NEXMIF: variants seen among roughly 807,000 people sequenced by gnomAD.
NEXMIF encodes the protein XLMR protein related to neurite extension.
Under a neutral mutation model 62.1 loss-of-function variants are expected in NEXMIF, and 8 were observed. The observed-to-expected ratio is 0.13, with a 90% CI of 0.08 to 0.23. The LOEUF (loss-of-function observed/expected upper bound fraction) is 0.23. Ranked by LOEUF, NEXMIF falls within the 10% of genes least tolerant of loss-of-function variation. The pLI, the probability that NEXMIF is intolerant of heterozygous loss-of-function variation, is 1.00. For synonymous variants in NEXMIF, 404 were observed against 416.6 expected (o/e 0.97, Z 0.37); for missense variants, 976 against 1,113.3 (o/e 0.88, Z 1.75).
At chrX:74,875,344 A>C (rs1299013017) in intron 1 of NEXMIF, among the ~76,000 whole-genome samples, 6 of 111,905 alleles carry the variant, frequency 5.4e-5, no homozygotes, top group Admixed American at 1.9e-4. Flanking sequence ...GGGATGAAGC[A>C]CACTTGATCA....
At chrX:74,819,372 AG>A (rs967819143) in intron 1 of NEXMIF, among the ~76,000 whole-genome samples, 27 of 112,244 alleles carry the variant, frequency 2.4e-4, no homozygotes, top group African/African-American at 7.4e-4. Flanking sequence ...GCACGGCAAA[AG>A]AAACTATCAT....
chrX:74,775,381 G>A (rs1011462549), intron 1 of NEXMIF, among the ~76,000 whole-genome samples: 1 of 111,790 alleles, frequency 8.9e-6, no homozygotes, highest in African/African-American at 3.3e-5. Context: ...GTGAAGGCCA[G>A]TATTATTATA....
At chrX:74,835,005 C>G (rs1373970496) in intron 1 of NEXMIF, among the ~76,000 whole-genome samples, 1 of 111,386 alleles carries the variant, frequency 9.0e-6, no homozygotes, top group Non-Finnish European at 1.9e-5. Flanking sequence ...ATTCTTTTTT[C>G]TTTCGTCTAC....
Position 74,737,671 on chromosome X carries a change from T to C in NEXMIF, c.*1734A>G, listed in dbSNP as rs1311275245. 8.9e-6 allele frequency: 1 copy of C among 111,829 alleles called. No individual in the cohort carries two copies. Among genetic ancestry groups the C allele is most frequent in the African/African-American group, 3.3e-5 (1 of 30,655 alleles). The allele number at this position is 111,829 out of a possible 1,213,427, so 9.2% of individuals were successfully genotyped here. On this transcript the variant is annotated 3_prime_UTR_variant, in exon 4 of 4. Coordinates refer to ENST00000055682, the MANE Select transcript of NEXMIF (RefSeq NM_001008537.3). Reference sequence around the variant, plus strand: ...TATATACATGACAGGCTTCCTTCCATTTCTCTCTGACTACTTTCAAATGTT... The same window carrying C: ...TATATACATGACAGGCTTCCTTCCACTTCTCTCTGACTACTTTCAAATGTT...
chrX:74,879,274 A>G (rs1569361289), intron 1 of NEXMIF, among the ~76,000 whole-genome samples: 1 of 112,100 alleles, frequency 8.9e-6, no homozygotes, highest in Non-Finnish European at 1.9e-5. Flanking sequence ...GCATGACTGT[A>G]TTGAATAATA....
At chrX:74,898,684 T>C in intron 1 of NEXMIF, among the ~76,000 whole-genome samples, 1 of 111,546 alleles carries the variant, frequency 9.0e-6, no homozygotes, top group South Asian at 3.7e-4. Context: ...ATTCTGTAAA[T>C]GTAAAACTGT....
chrX:74,860,045 A>G (rs2080551347), intron 1 of NEXMIF, among the ~76,000 whole-genome samples: 1 of 111,485 alleles, frequency 9.0e-6, no homozygotes, highest in South Asian at 3.7e-4. Flanking sequence ...CTTATTGATA[A>G]TAACATTGAC....
Position 74,743,682 on chromosome X carries a change from T to C in NEXMIF, c.875A>G (p.Asp292Gly), listed in dbSNP as rs2080115926. ...SVNLFSEEDVDNYMFDDDEST... is the reference protein window; with the variant it reads ...SVNLFSEEDVGNYMFDDDEST... The stretch of plus-strand genomic sequence containing the variant: ...TTCATCATCATCAAACATGTAGTTA[T>C]CCACATCTTCTTCAGAGAATAGGTT... The change falls in exon 3 of 4, where the codon GAT (aspartate) becomes GGT (glycine). Residue 292 changes from aspartate (D) to glycine (G), a missense_variant. Asp to Gly is a moderately conservative substitution (Grantham distance 94). Around this residue, in one of 5 missense-constraint regions of NEXMIF, gnomAD observed 45 missense variants for 86.8 expected, o/e 0.52. Coordinates refer to ENST00000055682, the MANE Select transcript of NEXMIF (RefSeq NM_001008537.3). 1 of 1,211,427 alleles carries C rather than the reference T, an allele frequency of 8.3e-7. No homozygotes were observed. The highest frequency in any genetic ancestry group is 1.1e-6 in the Non-Finnish European group (1 of 895,061).
chrX:74,823,713 T>C (rs1258834409), intron 1 of NEXMIF, among the ~76,000 whole-genome samples: 1 of 108,416 alleles, frequency 9.2e-6, no homozygotes, highest in Non-Finnish European at 1.9e-5. Context: ...GATAGATAGA[T>C]AGATAGATAG....
rs2080124226 is a variant in NEXMIF at position 74,745,714 on chromosome X, TATA to T, written c.-47-20_-47-18del. The T allele has an allele frequency of 1.5e-6, 1 of 686,038 alleles. No individual in the cohort carries two copies. The highest frequency in any genetic ancestry group is 2.1e-5 in the African/African-American group (1 of 47,426). The allele number at this position is 686,038 out of a possible 1,213,427, so 56.5% of individuals were successfully genotyped here. On this transcript the variant is annotated intron_variant, in intron 1 of 3. Transcript: ENST00000055682. ...CTGTCCAACCTGCACATTTCAAATA[TATA>T]ATATCAGTCATTAAATTTGTTTTAT...
At chrX:74,886,223 C>T (rs1387773985) in intron 1 of NEXMIF, among the ~76,000 whole-genome samples, 1 of 111,783 alleles carries the variant, frequency 8.9e-6, no homozygotes, top group Non-Finnish European at 1.9e-5. Context: ...GAAGCATTCC[C>T]TTTGAAAACT....
chrX:74,847,074 A>C (rs1251803917), intron 1 of NEXMIF, among the ~76,000 whole-genome samples: 3 of 112,538 alleles, frequency 2.7e-5, no homozygotes, highest in African/African-American at 9.7e-5. Context: ...CTCATAAAGC[A>C]AAGTGAAGGG....
chrX:74,817,136 A>G (rs781088122), intron 1 of NEXMIF, among the ~76,000 whole-genome samples: 1 of 112,211 alleles, frequency 8.9e-6, no homozygotes, highest in South Asian at 3.7e-4. Context: ...TAACCTAGAC[A>G]AAAGCCCTAT....
intron 1 of NEXMIF, among the ~76,000 whole-genome samples, chrX:74,918,183 T>C (rs1402997985): frequency 9.0e-6 from 1 of 111,717 alleles, no homozygotes; most frequent in Non-Finnish European, 1.9e-5. Flanking sequence ...TCACAATATA[T>C]GGCTGGACTT....
intron 1 of NEXMIF, among the ~76,000 whole-genome samples, chrX:74,795,050 G>A (rs2080301950): frequency 8.9e-6 from 1 of 111,938 alleles, no homozygotes; most frequent in Non-Finnish European, 1.9e-5. Flanking sequence ...GTGTGAGAGT[G>A]ATCACTATTT....
intron 1 of NEXMIF, among the ~76,000 whole-genome samples, chrX:74,794,481 C>T (rs2080298493): frequency 9.0e-6 from 1 of 111,639 alleles, no homozygotes; most frequent in African/African-American, 3.2e-5. Context: ...AGGCAGGCCT[C>T]CTTGAGCTGT....
In NEXMIF at chrX:74,743,944, G is replaced by A; in HGVS notation, c.613C>T (p.Leu205=). 8.3e-7 allele frequency: 1 copy of A among 1,211,367 alleles called. No homozygotes were observed. Among genetic ancestry groups the A allele is most frequent in the Non-Finnish European group, 1.1e-6 (1 of 895,310 alleles). ...CTTGACTTATGCAGGGGGAAGCCTA[G>A]GAGCTGGTCTGAGAGCAGCTGCTCT... ...YGEQLLSDQL[L]GFPLHKSRAG... Residue 205 remains leucine (L), a synonymous_variant, in exon 3 of 4, where the codon CTA becomes TTA. Coordinates refer to ENST00000055682, the MANE Select transcript of NEXMIF (RefSeq NM_001008537.3).
At chrX:74,877,887 T>C (rs898624406) in intron 1 of NEXMIF, among the ~76,000 whole-genome samples, 1 of 111,648 alleles carries the variant, frequency 9.0e-6, no homozygotes, top group Non-Finnish European at 1.9e-5. Context: ...TAATTATACA[T>C]TCTTCTAAAT....
At chrX:74,800,378 T>C (rs1358314441) in intron 1 of NEXMIF, among the ~76,000 whole-genome samples, 5 of 112,030 alleles carry the variant, frequency 4.5e-5, no homozygotes, top group Non-Finnish European at 9.4e-5. Context: ...TACTAGCTTT[T>C]TTTTTTATAA....
Sources: gnomAD v4.1 joint callset for allele counts (sites outside exome capture counted in the v4.1 genomes callset) on GRCh38, gnomAD v4.1.1 for gene constraint, gnomAD v4.1.1 regional missense constraint, MANE v1.5 for transcripts, NCBI Gene and HGNC (gene_info 2026-07-23, HGNC 2026-07-21) for gene names.